SYT6: variants seen among roughly 807,000 people sequenced by gnomAD.
SYT6 encodes the protein synaptotagmin-6.
Under a neutral mutation model 38.4 loss-of-function variants are expected in SYT6, and 24 were observed. That is an observed-to-expected ratio of 0.62 (90% CI 0.45 to 0.88). The LOEUF is 0.88. Ranked by LOEUF, SYT6 falls within the 40% of genes least tolerant of loss-of-function variation. The pLI is 0.00. For synonymous variants in SYT6, 265 were observed against 241.9 expected (o/e 1.10, Z -0.89); for missense variants, 611 against 621.0 (o/e 0.98, Z 0.17).
At chr1:114,108,727 G>A (rs1330211033) in intron 3 of SYT6, among the ~76,000 whole-genome samples, 4 of 152,122 alleles carry the variant, frequency 2.6e-5, no homozygotes, top group Non-Finnish European at 5.9e-5. Context: ...CAAATGTTTT[G>A]TTCTTCTCCA....
At chr1:114,129,616 CCTTTCTTTCTTTCTT>C (rs1678001977) in intron 3 of SYT6, among the ~76,000 whole-genome samples, 6 of 58,974 alleles carry the variant, frequency 1.0e-4, no homozygotes, top group African/African-American at 2.7e-4. Flanking sequence ...TTCTTTCTTT[CCTTTCTTTCTTTCTT>C]TCTTTCTTTC....
chr1:114,129,153 C>T (rs1436581266), intron 3 of SYT6, among the ~76,000 whole-genome samples: 1 of 152,252 alleles, frequency 6.6e-6, no homozygotes, highest in Non-Finnish European at 1.5e-5. Context: ...TCTTCTCTTT[C>T]TCTACACCTT....
In SYT6 at chr1:114,126,004, C is replaced by T. The variant is rs76293567; in HGVS notation, c.1071+11491G>A. On this transcript the variant is annotated intron_variant, in intron 3 of 7. Transcript: ENST00000610222. ...ACCTCTTCCCTACAGTATAGAGAGG[C>T]TCACAGGCACAGGATGAAGGCAGTG... 2.5e-3 allele frequency among the ~76,000 whole-genome samples: 386 copies of T among 152,188 alleles called. 1 individual carries two copies. Among genetic ancestry groups the T allele is most frequent in the African/African-American group, 8.8e-3 (365 of 41,516 alleles).
intron 3 of SYT6, among the ~76,000 whole-genome samples, chr1:114,111,880 C>T (rs78670401): frequency 0.028 from 4,240 of 152,158 alleles, 172 homozygotes; most frequent in African/African-American, 0.084. Context: ...TCCTAGGGTG[C>T]CGAGAGGGGG....
chr1:114,119,545 T>G (rs60642095), intron 3 of SYT6, among the ~76,000 whole-genome samples: 4,765 of 152,300 alleles, frequency 0.031, 250 homozygotes, highest in African/African-American at 0.11. Flanking sequence ...AAGGGTTATT[T>G]TTACCCACAC....
chr1:114,099,278 G>T lies in SYT6; in HGVS notation c.1193-13C>A. On this transcript the variant is annotated splice_polypyrimidine_tract_variant and intron_variant, in intron 4 of 7. Transcript: ENST00000610222. ...TTCACATAGGGATCTGTGCCAATGG[G>T]GACAGAGAAAAGGGAATGGAGTATG... 1 of 1,603,542 alleles carries T rather than the reference G, an allele frequency of 6.2e-7. No individual in the cohort carries two copies. The highest frequency in any genetic ancestry group is 8.5e-7 in the Non-Finnish European group (1 of 1,174,744).
intron 3 of SYT6, among the ~76,000 whole-genome samples, chr1:114,119,049 G>T (rs181680920): frequency 6.6e-6 from 1 of 152,184 alleles, no homozygotes; most frequent in Non-Finnish European, 1.5e-5. Context: ...GGTGGGAATC[G>T]GGTCGGCCTG....
intron 1 of SYT6, among the ~76,000 whole-genome samples, chr1:114,146,254 A>T (rs1269724365): frequency 6.6e-6 from 1 of 152,186 alleles, no homozygotes; most frequent in East Asian, 1.9e-4. Flanking sequence ...ACTGTAGAAG[A>T]TTCAGCTCAT....
intron 6 of SYT6, among the ~76,000 whole-genome samples, chr1:114,096,484 C>T (rs1675649059): frequency 6.6e-6 from 1 of 152,180 alleles, no homozygotes; most frequent in South Asian, 2.1e-4. Flanking sequence ...GGAGGTGATT[C>T]AATTAGCCTG....
At chr1:114,127,270 C>A (rs1677800902) in intron 3 of SYT6, among the ~76,000 whole-genome samples, 1 of 152,208 alleles carries the variant, frequency 6.6e-6, no homozygotes, top group African/African-American at 2.4e-5. Context: ...GTGGAAGGGG[C>A]CTGCTGCTGC....
At position 114,099,310 on chromosome 1, in the gene SYT6, A is replaced by T. The variant is rs1172481513; in HGVS notation, c.1193-45T>A. On this transcript the variant is annotated intron_variant, in intron 4 of 7. Transcript: ENST00000610222. ...GAAAAGGGAATGGAGTATGTTAAAC[A>T]GATGTCTGCAAACATCATTTGCAGC... 1.9e-6 allele frequency: 3 copies of T among 1,561,970 alleles called. No individual in the cohort carries two copies. The Admixed American group carries it at 5.4e-5, about 28-fold the overall frequency.
intron 3 of SYT6, among the ~76,000 whole-genome samples, chr1:114,117,409 A>G (rs1295919560): frequency 2.6e-5 from 4 of 152,224 alleles, no homozygotes; most frequent in African/African-American, 9.6e-5. Context: ...TGCAGTCCCC[A>G]CTGCCTGCCT....
Position 114,091,919 on chromosome 1 carries a change from C to T in SYT6, c.*215G>A. 2.2e-6 allele frequency: 3 copies of T among 1,334,514 alleles called. No individual in the cohort carries two copies. The highest frequency in any genetic ancestry group is 3.7e-4 in the Middle Eastern group (2 of 5,442). The allele number at this position is 1,334,514 out of a possible 1,614,324, so 82.7% of individuals were successfully genotyped here. On this transcript the variant is annotated 3_prime_UTR_variant, in exon 8 of 8. Coordinates refer to ENST00000610222, the MANE Select transcript of SYT6 (RefSeq NM_001253772.2). Reference sequence around the variant, plus strand: ...GAGTGACGGACGGCTGCCGCTGCTGCCGCCACTGCGACTGCACAACACTGT... The same window carrying T: ...GAGTGACGGACGGCTGCCGCTGCTGTCGCCACTGCGACTGCACAACACTGT...
chr1:114,130,551 T>C (rs1244101837), intron 3 of SYT6, among the ~76,000 whole-genome samples: 4 of 152,172 alleles, frequency 2.6e-5, no homozygotes, highest in Admixed American at 2.6e-4. Flanking sequence ...TCTGTATCCC[T>C]CATCCCACTC....
At chr1:114,107,593 T>G (rs1323116461) in intron 3 of SYT6, among the ~76,000 whole-genome samples, 3 of 152,196 alleles carry the variant, frequency 2.0e-5, no homozygotes, top group African/African-American at 4.8e-5. Context: ...ACTGTTCCCC[T>G]GCACACACAA....
chr1:114,106,416 C>G (rs978788351), intron 3 of SYT6, among the ~76,000 whole-genome samples: 1 of 152,028 alleles, frequency 6.6e-6, no homozygotes, highest in Admixed American at 6.5e-5. Context: ...AAATAACTGG[C>G]CCAAGGCTGT....
chr1:114,153,063 G>T (rs1180519078), intron 1 of SYT6: 1 of 144,696 alleles, frequency 6.9e-6, no homozygotes, highest in East Asian at 2.3e-4. Context: ...CTCGCAGCCG[G>T]AGAGACACCC....
chr1:114,149,815 GC>G, intron 1 of SYT6, among the ~76,000 whole-genome samples: 1 of 152,160 alleles, frequency 6.6e-6, no homozygotes, highest in South Asian at 2.1e-4. Flanking sequence ...GGAGGGGTCT[GC>G]CTGGGTCCTC....
intron 1 of SYT6, among the ~76,000 whole-genome samples, chr1:114,145,433 T>A (rs1452217420): frequency 6.6e-6 from 1 of 152,076 alleles, no homozygotes; most frequent in Non-Finnish European, 1.5e-5. Flanking sequence ...CCAGTCTGGT[T>A]CTGAAGTATC....
Sources: gnomAD v4.1 joint callset for allele counts (sites outside exome capture counted in the v4.1 genomes callset) on GRCh38, gnomAD v4.1.1 for gene constraint, MANE v1.5 for transcripts, NCBI Gene and HGNC (gene_info 2026-07-23, HGNC 2026-07-21) for gene names.